Variants in EPHB1 observed in about 807,000 individuals in gnomAD.
EPHB1 encodes EPH receptor B1.
Under a neutral mutation model 94.4 loss-of-function variants are expected in EPHB1, and 30 were observed. The observed-to-expected ratio is 0.32, with a 90% CI of 0.24 to 0.43. EPHB1 has a LOEUF of 0.43. EPHB1 is among the 20% of genes least tolerant of loss of function. The pLI, the probability that EPHB1 is intolerant of heterozygous loss-of-function variation, is 1.00. For missense variants in EPHB1, 1,055 were observed against 1,308.3 expected, an observed-to-expected ratio of 0.81 and a Z score of 2.99; for synonymous variants, 522 against 489.1, an observed-to-expected ratio of 1.07 and a Z score of -0.89.
At chr3:135,127,202 G>T (rs1475404400) in intron 4 of EPHB1, among the ~76,000 whole-genome samples, 1 of 152,118 alleles carries the variant, frequency 6.6e-6, no homozygotes, top group Non-Finnish European at 1.5e-5. Flanking sequence ...TGGTTTCGGG[G>T]GACTAAGAAC....
chr3:134,963,373 G>A (rs995561630), intron 3 of EPHB1, among the ~76,000 whole-genome samples: 1 of 152,122 alleles, frequency 6.6e-6, no homozygotes, highest in Non-Finnish European at 1.5e-5. Context: ...CTGTTTACCT[G>A]GGCTAGGAGA....
intron 5 of EPHB1, among the ~76,000 whole-genome samples, chr3:135,146,203 G>A (rs536295464): frequency 6.6e-6 from 1 of 152,196 alleles, no homozygotes; most frequent in South Asian, 2.1e-4. Flanking sequence ...GGCTCCCCCT[G>A]TGCCTTCAAA....
At chr3:134,833,500 A>G (rs1233041709) in intron 1 of EPHB1, among the ~76,000 whole-genome samples, 1 of 152,224 alleles carries the variant, frequency 6.6e-6, no homozygotes, top group Non-Finnish European at 1.5e-5. Context: ...TGAGCACCTA[A>G]TATGTTCCAG....
chr3:134,926,974 T>A (rs943725269), intron 2 of EPHB1, among the ~76,000 whole-genome samples: 36 of 152,152 alleles, frequency 2.4e-4, no homozygotes, highest in Non-Finnish European at 1.0e-4. Context: ...ATGATGTTCA[T>A]GTCCCTGGCT....
chr3:134,858,726 A>T lies in EPHB1; in HGVS notation c.58+63037A>T, dbSNP rs529546963. ...GTCGAATCCACTTATCCTGCTGTTG[A>T]GGACACTAAGGTGGAGCAGGGAGGG... is the stretch of plus-strand genomic sequence containing the variant. On this transcript the variant is annotated intron_variant, in intron 1 of 15. Coordinates refer to ENST00000398015, the MANE Select transcript of EPHB1 (RefSeq NM_004441.5). Among the ~76,000 whole-genome samples, 324 of 152,368 alleles carry T rather than the reference A, an allele frequency of 2.1e-3. 2 individuals are homozygous for T. Among genetic ancestry groups the T allele is most frequent in the African/African-American group, 7.3e-3 (302 of 41,586 alleles).
chr3:134,807,391 C>T (rs558186820), intron 1 of EPHB1, among the ~76,000 whole-genome samples: 5 of 152,136 alleles, frequency 3.3e-5, no homozygotes, highest in Non-Finnish European at 7.4e-5. Flanking sequence ...TGTAATAGGG[C>T]ACGTGATAGA....
intron 15 of EPHB1, among the ~76,000 whole-genome samples, chr3:135,256,007 TAA>T (rs1346344655): frequency 2.6e-5 from 4 of 151,230 alleles, no homozygotes; most frequent in Non-Finnish European, 4.4e-5. Context: ...TTTGTTGGTT[TAA>T]AGTCTGTTTT....
At chr3:135,215,153 CT>C (rs1290875019) in intron 12 of EPHB1, among the ~76,000 whole-genome samples, 1 of 151,770 alleles carries the variant, frequency 6.6e-6, no homozygotes, top group Admixed American at 6.6e-5. Flanking sequence ...GTACAGTTTT[CT>C]TTTTTTCTTT....
At chr3:135,246,290 C>A (rs745323761) in intron 13 of EPHB1, among the ~76,000 whole-genome samples, 2 of 152,062 alleles carry the variant, frequency 1.3e-5, no homozygotes, top group Non-Finnish European at 2.9e-5. Context: ...ATGGGTAATC[C>A]CACTTGGAGA....
intron 3 of EPHB1, among the ~76,000 whole-genome samples, chr3:135,064,328 G>T (rs963112689): frequency 6.6e-6 from 1 of 151,928 alleles, no homozygotes; most frequent in African/African-American, 2.4e-5. Context: ...GTCTGGTCCT[G>T]GGCTTTTTTG....
intron 1 of EPHB1, among the ~76,000 whole-genome samples, chr3:134,819,897 C>T (rs2036348750): frequency 6.6e-6 from 1 of 152,208 alleles, no homozygotes; most frequent in African/African-American, 2.4e-5. Context: ...GCGCAGGGGA[C>T]ACATGGACAC....
chr3:135,089,307 T>C (rs1025591100), intron 3 of EPHB1, among the ~76,000 whole-genome samples: 2 of 152,210 alleles, frequency 1.3e-5, no homozygotes, highest in African/African-American at 4.8e-5. Context: ...GCCTTAGTTT[T>C]TTAATGTGCA....
intron 4 of EPHB1, among the ~76,000 whole-genome samples, chr3:135,111,029 G>T (rs1193189654): frequency 6.6e-6 from 1 of 152,180 alleles, no homozygotes; most frequent in Non-Finnish European, 1.5e-5. Flanking sequence ...GCTTTGGTAT[G>T]ACAGAAACAG....
At chr3:134,930,845 G>T (rs2107704573) in intron 2 of EPHB1, among the ~76,000 whole-genome samples, 1 of 152,250 alleles carries the variant, frequency 6.6e-6, no homozygotes, top group African/African-American at 2.4e-5. Context: ...AAGCCTGTGG[G>T]GCTTTGTACC....
intron 2 of EPHB1, among the ~76,000 whole-genome samples, chr3:134,946,821 C>T (rs1255916950): frequency 2.6e-5 from 4 of 152,178 alleles, no homozygotes; most frequent in African/African-American, 9.7e-5. Context: ...TGGAAACTTC[C>T]TGAGGCCTCA....
chr3:135,099,496 A>G (rs1382381562), intron 3 of EPHB1, among the ~76,000 whole-genome samples: 1 of 152,224 alleles, frequency 6.6e-6, no homozygotes, highest in African/African-American at 2.4e-5. Context: ...GGGGCTGTTC[A>G]GGAAAACCCA....
intron 1 of EPHB1, among the ~76,000 whole-genome samples, chr3:134,854,524 T>C (rs2108301077): frequency 6.6e-6 from 1 of 152,282 alleles, no homozygotes; most frequent in East Asian, 1.9e-4. Flanking sequence ...TGGTGTTTAC[T>C]GTGAGGGTGT....
intron 1 of EPHB1, among the ~76,000 whole-genome samples, chr3:134,882,260 C>G (rs890879246): frequency 3.9e-5 from 6 of 152,102 alleles, no homozygotes; most frequent in Admixed American, 2.0e-4. Context: ...GGAATATAAC[C>G]AGCCATAACT....
intron 1 of EPHB1, among the ~76,000 whole-genome samples, chr3:134,923,770 A>G (rs568451218): frequency 3.3e-5 from 5 of 152,116 alleles, no homozygotes; most frequent in African/African-American, 9.6e-5. Flanking sequence ...GGGTTCTTCT[A>G]TTTCATAGTG....
Sources: allele counts gnomAD v4.1 joint callset (sites outside exome capture counted in the v4.1 genomes callset), GRCh38; gene constraint gnomAD v4.1.1; transcripts MANE v1.5; gene names NCBI Gene and HGNC (gene_info 2026-07-23, HGNC 2026-07-21).